Variants in ADNP2 observed in about 807,000 individuals in gnomAD.
ADNP2 encodes ADNP homeobox 2, also known as activity-dependent neuroprotector homeobox protein 2.
Under a neutral mutation model 16.4 loss-of-function variants are expected in ADNP2, and 8 were observed. The ratio of observed to expected loss-of-function variants is 0.49; its 90% CI spans 0.29 to 0.88. The LOEUF is 0.88. ADNP2 is among the 40% of genes least tolerant of loss of function. ADNP2 has a pLI of 0.09. For missense variants in ADNP2, 1,397 were observed against 1,395.1 expected, an observed-to-expected ratio of 1.00 and a Z score of -0.02; for synonymous variants, 637 against 545.8, an observed-to-expected ratio of 1.17 and a Z score of -2.33.
chr18:80,128,633 G>C (rs563149806), intron 2 of ADNP2, among the ~76,000 whole-genome samples: 1 of 152,214 alleles, frequency 6.6e-6, no homozygotes, highest in Non-Finnish European at 1.5e-5. Flanking sequence ...CTGGGCGACA[G>C]AGCAAGACCC....
At chr18:80,125,957 T>C (rs1042969761) in intron 2 of ADNP2, among the ~76,000 whole-genome samples, 2 of 152,344 alleles carry the variant, frequency 1.3e-5, no homozygotes, top group African/African-American at 4.8e-5. Flanking sequence ...CTAAACTGTT[T>C]ATTAACCTGT....
At chr18:80,119,522 T>C (rs1378070402) in intron 2 of ADNP2, among the ~76,000 whole-genome samples, 1 of 152,132 alleles carries the variant, frequency 6.6e-6, no homozygotes, top group Non-Finnish European at 1.5e-5. Context: ...TGCTCTGTAT[T>C]TCAGATTTCA....
In ADNP2 at chr18:80,133,463, C is replaced by T. The variant is rs77842996; in HGVS notation, c.198+271C>T. On this transcript the variant is annotated intron_variant, in intron 3 of 3. Coordinates refer to ENST00000262198, the MANE Select transcript of ADNP2 (RefSeq NM_014913.4). ...TAAGATATCATTGCTGTAAGAAGGA[C>T]GTTTGATTTAATAATTGTTCTGAGT... is the stretch of plus-strand genomic sequence containing the variant. Among the ~76,000 whole-genome samples the T allele has an allele frequency of 7.0e-3, 1,058 of 152,212 alleles. 11 individuals are homozygous for T. Among genetic ancestry groups the T allele is most frequent in the Non-Finnish European group, 0.011 (763 of 68,020 alleles).
At chr18:80,130,506 A>T (rs1474568380) in intron 2 of ADNP2, among the ~76,000 whole-genome samples, 1 of 152,160 alleles carries the variant, frequency 6.6e-6, no homozygotes, top group Non-Finnish European at 1.5e-5. Context: ...GTAGATTTTT[A>T]CTTCTTTCAA....
chr18:80,113,605 T>A (rs1042489232), intron 1 of ADNP2, among the ~76,000 whole-genome samples: 2 of 152,214 alleles, frequency 1.3e-5, no homozygotes, highest in Admixed American at 6.5e-5. Flanking sequence ...TTACGGTTCT[T>A]ATCCTGTTTT....
At chr18:80,125,398 C>T (rs923664012) in intron 2 of ADNP2, among the ~76,000 whole-genome samples, 2 of 152,120 alleles carry the variant, frequency 1.3e-5, no homozygotes, top group African/African-American at 4.8e-5. Context: ...AATCCCAGCA[C>T]TTTGGGAGGC....
At position 80,109,307 on chromosome 18, in the gene ADNP2, C is replaced by T. The variant is rs1599798581; in HGVS notation, c.-179C>T. 2 of 151,394 alleles carry T rather than the reference C, an allele frequency of 1.3e-5. No homozygotes were observed. Among genetic ancestry groups the T allele is most frequent in the South Asian group, 2.1e-4 (1 of 4,834 alleles). The allele number at this position is 151,394 out of a possible 1,614,324, so 9.4% of individuals were successfully genotyped here. ...TTCTGGCTGCGCGGGAGGAGGGGAC[C>T]AGTCGCGCTGGGGGTGGGCGCGCGC... is the stretch of plus-strand genomic sequence containing the variant. On this transcript the variant is annotated 5_prime_UTR_variant, in exon 1 of 4. Transcript: ENST00000262198.
At chr18:80,134,452 A>G (rs1417830722) in intron 3 of ADNP2, among the ~76,000 whole-genome samples, 3 of 151,438 alleles carry the variant, frequency 2.0e-5, no homozygotes, top group Non-Finnish European at 2.9e-5. Context: ...CAGATTTAGG[A>G]AAGGATGAGA....
intron 2 of ADNP2, among the ~76,000 whole-genome samples, chr18:80,131,604 T>C (rs1156244698): frequency 6.6e-6 from 1 of 150,958 alleles, no homozygotes. Flanking sequence ...CTTTAAGTTC[T>C]AGGGTACATG....
At chr18:80,131,566 A>T (rs2052496459) in intron 2 of ADNP2, among the ~76,000 whole-genome samples, 1 of 101,938 alleles carries the variant, frequency 9.8e-6, no homozygotes, top group South Asian at 3.1e-4. Flanking sequence ...CAAGATGAAG[A>T]TTCTTTTTTT....
intron 2 of ADNP2, among the ~76,000 whole-genome samples, 195 bp from the exon 3 acceptor site, chr18:80,132,908 A>G: frequency 6.6e-6 from 1 of 151,942 alleles, no homozygotes; most frequent in Non-Finnish European, 1.5e-5. Context: ...TTTGGTAGAG[A>G]TGGAGTTTCG....
chr18:80,119,829 C>T (rs1483513282), intron 2 of ADNP2, among the ~76,000 whole-genome samples: 3 of 152,174 alleles, frequency 2.0e-5, no homozygotes, highest in Admixed American at 1.3e-4. Context: ...GCCAAACATA[C>T]CTTGGTGCTG....
intron 1 of ADNP2, among the ~76,000 whole-genome samples, chr18:80,115,039 C>T (rs181821995): frequency 1.7e-4 from 26 of 152,270 alleles, no homozygotes; most frequent in Admixed American, 1.1e-3. Flanking sequence ...GTCAAGGCAG[C>T]CACAAAGTTC....
chr18:80,130,007 C>T (rs2052485929), intron 2 of ADNP2, among the ~76,000 whole-genome samples: 1 of 152,178 alleles, frequency 6.6e-6, no homozygotes, highest in Non-Finnish European at 1.5e-5. Context: ...TGAGCTGTGA[C>T]TTTTCAAAGT....
At chr18:80,112,773 C>A (rs556058893) in intron 1 of ADNP2, among the ~76,000 whole-genome samples, 1 of 152,152 alleles carries the variant, frequency 6.6e-6, no homozygotes, top group African/African-American at 2.4e-5. Context: ...TAAAAGTCCA[C>A]CAGTCTTTGT....
intron 2 of ADNP2, among the ~76,000 whole-genome samples, chr18:80,120,168 C>T (rs755233829): frequency 6.6e-6 from 1 of 152,152 alleles, no homozygotes; most frequent in South Asian, 2.1e-4. Flanking sequence ...GCATATGCTC[C>T]ATGTCCCATC....
In ADNP2 at chr18:80,138,617, T is replaced by A; in HGVS notation, c.3204T>A (p.Pro1068=). The A allele has an allele frequency of 6.2e-7, 1 of 1,608,092 alleles. No homozygotes were observed. Among genetic ancestry groups the A allele is most frequent in the South Asian group, 1.1e-5 (1 of 89,132 alleles). The change falls in exon 4 of 4, where the codon CCT becomes CCA. Residue 1068 remains proline, a synonymous_variant. Transcript: ENST00000262198. ...LKDYFHKKPY[P]SKKEIELLSS... is the part of the protein sequence containing the mutation. ...ATTATTTCCATAAGAAACCATATCCTAGTAAAAAGGAAATAGAACTGTTGT... is the reference window on the plus strand; with the variant it reads ...ATTATTTCCATAAGAAACCATATCCAAGTAAAAAGGAAATAGAACTGTTGT...
Position 80,138,817 on chromosome 18 carries a change from A to C in ADNP2, c.*8A>C, listed in dbSNP as rs75847403. 2.3e-6 allele frequency: 2 copies of C among 864,430 alleles called. No homozygotes were observed. The highest frequency in any genetic ancestry group is 2.9e-6 in the Non-Finnish European group (2 of 694,172). 53.5% of individuals were successfully genotyped at this position (864,430 alleles called of 1,614,324 possible). ...TTTGAATATGAACCATAAAACTTGC[A>C]AAAAAAAAAAAAAGTAACTCTAAAG... On this transcript the variant is annotated 3_prime_UTR_variant, in exon 4 of 4. Transcript: ENST00000262198.
rs925403092 is a variant in ADNP2, at chr18:80,139,924, T to C, written c.*1115T>C. 5.9e-5 allele frequency: 9 copies of C among 152,216 alleles called. No homozygotes were observed. The highest frequency in any genetic ancestry group is 2.2e-4 in the African/African-American group (9 of 41,454). 9.4% of individuals were successfully genotyped at this position (152,216 alleles called of 1,614,324 possible). On this transcript the variant is annotated 3_prime_UTR_variant, in exon 4 of 4. Coordinates refer to ENST00000262198, the MANE Select transcript of ADNP2 (RefSeq NM_014913.4). ...GGAAGCTGTGTCCGGGTCGATGGGATGGCATATTGTTAAAGAATCTCCATT... is the reference window on the plus strand; with the variant it reads ...GGAAGCTGTGTCCGGGTCGATGGGACGGCATATTGTTAAAGAATCTCCATT...
Sources: allele counts gnomAD v4.1 joint callset (sites outside exome capture counted in the v4.1 genomes callset), GRCh38; gene constraint gnomAD v4.1.1; transcripts MANE v1.5; gene names NCBI Gene and HGNC (gene_info 2026-07-23, HGNC 2026-07-21).